RAB23: variants seen among roughly 807,000 people sequenced by gnomAD.
RAB23 encodes the protein RAB23, member RAS oncogene family.
Under a neutral mutation model 30.0 loss-of-function variants are expected in RAB23, and 15 were observed. The observed-to-expected ratio is 0.50, with a 90% CI of 0.33 to 0.77. RAB23 has a LOEUF of 0.77. RAB23 is among the 30% of genes least tolerant of loss of function. The pLI, the probability that RAB23 is intolerant of heterozygous loss-of-function variation, is 0.02. For synonymous variants in RAB23, 93 were observed against 94.0 expected, an observed-to-expected ratio of 0.99 and a Z score of 0.06; for missense variants, 243 against 275.4, an observed-to-expected ratio of 0.88 and a Z score of 0.83.
chr6:57,201,994 A>G (rs1765286371), intron 3 of RAB23, among the ~76,000 whole-genome samples: 1 of 152,238 alleles, frequency 6.6e-6, no homozygotes, highest in Non-Finnish European at 1.5e-5. Flanking sequence ...TTCCAAGTCC[A>G]TAATAATACC....
intron 2 of RAB23, among the ~76,000 whole-genome samples, 158 bp from the exon 3 acceptor site, chr6:57,207,871 C>A (rs1306271810): frequency 6.6e-6 from 1 of 152,168 alleles, no homozygotes; most frequent in African/African-American, 2.4e-5. Context: ...GGGGTTACAT[C>A]CTGGTAAGCC....
intron 3 of RAB23, among the ~76,000 whole-genome samples, chr6:57,198,506 C>A (rs1236785722): frequency 6.6e-6 from 1 of 151,968 alleles, no homozygotes; most frequent in Non-Finnish European, 1.5e-5. Flanking sequence ...CATGGCAAAA[C>A]CCCATCTCTA....
chr6:57,217,562 C>G (rs1338634310), intron 1 of RAB23, among the ~76,000 whole-genome samples: 1 of 152,192 alleles, frequency 6.6e-6, no homozygotes, highest in Admixed American at 6.5e-5. Context: ...CCCGCCGTGG[C>G]CTCCCAAAGT....
chr6:57,190,418 T>C lies in RAB23; in HGVS notation c.*43A>G, dbSNP rs1291819856. On this transcript the variant is annotated 3_prime_UTR_variant, in exon 7 of 7. Coordinates refer to ENST00000468148, the MANE Select transcript of RAB23 (RefSeq NM_016277.5). ...CATGACAGCTGGATGGGTTTCTTAATGCATTGCACAATGTAATTCAATTGT... is the reference window on the plus strand; with the variant it reads ...CATGACAGCTGGATGGGTTTCTTAACGCATTGCACAATGTAATTCAATTGT... 2 of 1,607,418 alleles carry C rather than the reference T, an allele frequency of 1.2e-6. No homozygotes were observed. Among genetic ancestry groups the C allele is most frequent in the African/African-American group, 1.3e-5 (1 of 74,794 alleles).
chr6:57,197,923 T>G (rs1562652245), intron 3 of RAB23, among the ~76,000 whole-genome samples: 1 of 152,040 alleles, frequency 6.6e-6, no homozygotes, highest in Non-Finnish European at 1.5e-5. Context: ...TTTGTTTTTT[T>G]GTTTTGTTTT....
chr6:57,214,445 G>A (rs1765763852), intron 1 of RAB23, among the ~76,000 whole-genome samples: 1 of 152,130 alleles, frequency 6.6e-6, no homozygotes, highest in Non-Finnish European at 1.5e-5. Flanking sequence ...TGGGACTACA[G>A]GCGCACACCA....
At chr6:57,212,169 A>C (rs1418224699) in intron 1 of RAB23, among the ~76,000 whole-genome samples, 1 of 152,182 alleles carries the variant, frequency 6.6e-6, no homozygotes, top group Non-Finnish European at 1.5e-5. Context: ...CCTCACCTTC[A>C]GGATCCACTG....
chr6:57,207,647 A>G lies in RAB23; in HGVS notation c.222T>C (p.Ile74=), dbSNP rs759497648. Residue 74 remains isoleucine, a synonymous_variant, in exon 3 of 7, where the codon ATT becomes ATC. Transcript: ENST00000468148. ...TTTTACCTCGATAGTAGGCCTTTGT[A>G]ATTGCATCAAATTCCTCCTGACCTG... ...DTAGQEEFDA[I]TKAYYRGAQA... is the part of the protein sequence containing the mutation. The G allele has an allele frequency of 3.1e-6, 5 of 1,599,956 alleles. No homozygotes were observed. In the Admixed American group the frequency reaches 6.7e-5, roughly 21 times the overall value.
chr6:57,188,914 A>G lies in RAB23; in HGVS notation c.*1547T>C, dbSNP rs1764721573. The G allele has an allele frequency of 6.6e-6, 1 of 152,210 alleles. No individual in the cohort carries two copies. The highest frequency in any genetic ancestry group is 2.4e-5 in the African/African-American group (1 of 41,448). The allele number at this position is 152,210 out of a possible 1,614,324, so 9.4% of individuals were successfully genotyped here. On this transcript the variant is annotated 3_prime_UTR_variant, in exon 7 of 7. Coordinates refer to ENST00000468148, the MANE Select transcript of RAB23 (RefSeq NM_016277.5). The stretch of plus-strand genomic sequence containing the variant: ...AGGAGGATGAGGGGAGTACAGATGG[A>G]AAAACAAAAGATAAAACACAAAAGG...
At chr6:57,197,814 C>T (rs1765079824) in intron 3 of RAB23, among the ~76,000 whole-genome samples, 1 of 152,250 alleles carries the variant, frequency 6.6e-6, no homozygotes, top group Non-Finnish European at 1.5e-5. Flanking sequence ...TCATGGCTCG[C>T]TGCAGCCTCG....
At chr6:57,208,943 A>G (rs1229704322) in intron 2 of RAB23, among the ~76,000 whole-genome samples, 3 of 152,206 alleles carry the variant, frequency 2.0e-5, no homozygotes, top group Non-Finnish European at 4.4e-5. Context: ...ATTCACGACC[A>G]ACAGCACTAT....
In RAB23 at chr6:57,189,121, A is replaced by ATCTT. The variant is rs1764731888; in HGVS notation, c.*1336_*1339dup. The ATCTT allele has an allele frequency of 6.6e-6, 1 of 152,218 alleles. No individual in the cohort carries two copies. The highest frequency in any genetic ancestry group is 1.5e-5 in the Non-Finnish European group (1 of 68,028). 9.4% of individuals were successfully genotyped at this position (152,218 alleles called of 1,614,324 possible). A position where few individuals can be genotyped will look rare whatever the true frequency, so the allele number is the denominator to read the frequency against. On this transcript the variant is annotated 3_prime_UTR_variant, in exon 7 of 7. Coordinates refer to ENST00000468148, the MANE Select transcript of RAB23 (RefSeq NM_016277.5). ...CAGTTTTAACAGAGTTCACGCAATT[A>ATCTT]TCTTAGCTGGAAAGCTACTGTCCCA...
intron 3 of RAB23, among the ~76,000 whole-genome samples, chr6:57,204,426 G>A (rs993808492): frequency 4.6e-5 from 7 of 152,144 alleles, no homozygotes; most frequent in Non-Finnish European, 8.8e-5. Context: ...CCATGAAGAA[G>A]TCAGAAGAAT....
At chr6:57,207,495 T>A in intron 3 of RAB23, 133 bp downstream of exon 3, 2 of 653,764 alleles carry the variant, frequency 3.1e-6, no homozygotes, top group East Asian at 2.8e-5. Context: ...ACTGGGGTTT[T>A]AAAAAATACT....
Position 57,190,440 on chromosome 6 carries a change from T to C in RAB23, c.*21A>G, listed in dbSNP as rs201558464. ...TAATGCATTGCACAATGTAATTCAA[T>C]TGTTTTCCTCCCAAAACATCTTAGG... On this transcript the variant is annotated 3_prime_UTR_variant, in exon 7 of 7. Coordinates refer to ENST00000468148, the MANE Select transcript of RAB23 (RefSeq NM_016277.5). 278 of 1,613,000 alleles carry C rather than the reference T, an allele frequency of 1.7e-4. No homozygotes were observed. Among genetic ancestry groups the C allele is most frequent in the Non-Finnish European group, 2.3e-4 (270 of 1,179,136 alleles).
chr6:57,215,524 A>C (rs543006073), intron 1 of RAB23, among the ~76,000 whole-genome samples: 36 of 152,242 alleles, frequency 2.4e-4, no homozygotes, highest in Non-Finnish European at 5.0e-4. Context: ...AAGAACTGTC[A>C]ACTCAAAATT....
At chr6:57,202,570 C>T (rs953701717) in intron 3 of RAB23, among the ~76,000 whole-genome samples, 2 of 152,098 alleles carry the variant, frequency 1.3e-5, no homozygotes, top group Admixed American at 1.3e-4. Context: ...AATCTTGCAA[C>T]CCAAAAGGAA....
rs113897230 is a variant in RAB23 at position 57,193,972 on chromosome 6, A to G, written c.482-38T>C. ...GAAAACACCCAGAACCAGGTCAATG[A>G]TTTATGCATGTAAATCTGTTATTTC... On this transcript the variant is annotated intron_variant, in intron 5 of 6. Coordinates refer to ENST00000468148, the MANE Select transcript of RAB23 (RefSeq NM_016277.5). The G allele has an allele frequency of 7.5e-5, 120 of 1,594,742 alleles. No homozygotes were observed. The African/African-American group carries it at 1.5e-3, about 19-fold the overall frequency.
chr6:57,205,333 CTG>C (rs1765423330), intron 3 of RAB23, among the ~76,000 whole-genome samples: 1 of 151,894 alleles, frequency 6.6e-6, no homozygotes, highest in Non-Finnish European at 1.5e-5. Context: ...TAAAATGAGA[CTG>C]TGTGATGAAC....
Sources: allele counts gnomAD v4.1 joint callset (sites outside exome capture counted in the v4.1 genomes callset), GRCh38; gene constraint gnomAD v4.1.1; transcripts MANE v1.5; gene names NCBI Gene and HGNC (gene_info 2026-07-23, HGNC 2026-07-21).